The following OPRK1 variants were observed in gnomAD, a reference collection of about 807,000 sequenced individuals.
OPRK1 encodes opioid receptor kappa 1.
A neutral mutation model predicts 24.5 loss-of-function variants in OPRK1; 15 were observed. That is an observed-to-expected ratio of 0.61 (90% CI 0.41 to 0.94). The LOEUF is 0.94. OPRK1 is among the 40% of genes least tolerant of loss of function. The pLI is 0.00. For missense variants in OPRK1, 479 were observed against 507.3 expected (o/e 0.94, Z 0.54); for synonymous variants, 205 against 198.0 (o/e 1.04, Z -0.30).
chr8:53,232,636 C>T (rs1806883233), intron 3 of OPRK1, among the ~76,000 whole-genome samples: 1 of 152,098 alleles, frequency 6.6e-6, no homozygotes, highest in Non-Finnish European at 1.5e-5. Context: ...TTGAAGTATC[C>T]ATACAACTGC....
At chr8:53,231,550 C>A (rs1050042157) in intron 3 of OPRK1, among the ~76,000 whole-genome samples, 1 of 152,112 alleles carries the variant, frequency 6.6e-6, no homozygotes, top group South Asian at 2.1e-4. Flanking sequence ...GTTATATTCA[C>A]CCAATTTCCC....
Position 53,251,010 on chromosome 8 carries a change from C to T in OPRK1, c.28G>A (p.Gly10Arg). The change falls in exon 2 of 4, where the codon GGG (glycine) becomes AGG (arginine). Residue 10 changes from glycine to arginine, a missense_variant. Gly to Arg is a moderately radical substitution (Grantham distance 125). Coordinates refer to ENST00000265572, the MANE Select transcript of OPRK1 (RefSeq NM_000912.5). Reference sequence around the variant, plus strand: ...GGGGCGCAGGTAGGGCCCGGCTCCCCGCGGAAGATCTGGATCGGGGAGTCC... The same window carrying T: ...GGGGCGCAGGTAGGGCCCGGCTCCCTGCGGAAGATCTGGATCGGGGAGTCC... MDSPIQIFRGEPGPTCAPSA... is the reference protein window; with the variant it reads MDSPIQIFRREPGPTCAPSA... The T allele has an allele frequency of 6.4e-7, 1 of 1,570,228 alleles. No individual in the cohort carries two copies. The highest frequency in any genetic ancestry group is 8.6e-7 in the Non-Finnish European group (1 of 1,161,400).
At chr8:53,238,583 C>A in intron 2 of OPRK1, 3 of 985,426 alleles carry the variant, frequency 3.0e-6, no homozygotes, top group Non-Finnish European at 3.6e-6. Context: ...GGAGGGTGTT[C>A]CAGAGACTTA....
At chr8:53,246,708 G>A (rs1335564963) in intron 2 of OPRK1, among the ~76,000 whole-genome samples, 3 of 152,176 alleles carry the variant, frequency 2.0e-5, no homozygotes, top group African/African-American at 7.2e-5. Context: ...GCCAAAGTGT[G>A]TATGTAGAGA....
At chr8:53,250,318 G>A (rs1328112675) in intron 2 of OPRK1, among the ~76,000 whole-genome samples, 1 of 152,130 alleles carries the variant, frequency 6.6e-6, no homozygotes, top group South Asian at 2.1e-4. Context: ...GGAGTCCCAG[G>A]AAATTCGGAA....
Position 53,251,070 on chromosome 8 carries a change from G to A in OPRK1, c.-33C>T, listed in dbSNP as rs1170365826. On this transcript the variant is annotated 5_prime_UTR_variant, in exon 2 of 4. Transcript: ENST00000265572. ...CGATTGCAGCAGGAAGGCGAGGACAGGCGGCACCTGCGGCGCTGCGGGAGC... is the reference window on the plus strand; with the variant it reads ...CGATTGCAGCAGGAAGGCGAGGACAAGCGGCACCTGCGGCGCTGCGGGAGC... 5 of 1,464,990 alleles carry A rather than the reference G, an allele frequency of 3.4e-6. No individual in the cohort carries two copies. The highest frequency in any genetic ancestry group is 1.4e-5 in the South Asian group (1 of 69,906). The allele number at this position is 1,464,990 out of a possible 1,614,324, so 90.7% of individuals were successfully genotyped here. A position where few individuals can be genotyped will look rare whatever the true frequency, so the allele number is the denominator to read the frequency against.
intron 2 of OPRK1, among the ~76,000 whole-genome samples, chr8:53,243,676 A>C (rs1459532281): frequency 1.3e-5 from 2 of 152,346 alleles, no homozygotes; most frequent in East Asian, 3.9e-4. Context: ...CTCTTTCAAA[A>C]GGTTGTCAAA....
intron 2 of OPRK1, among the ~76,000 whole-genome samples, chr8:53,239,371 C>T (rs62505380): frequency 0.17 from 25,596 of 152,114 alleles, 2,794 homozygotes; most frequent in African/African-American, 0.32. Context: ...AGCACATATT[C>T]TGAAGAGAAA....
intron 3 of OPRK1, among the ~76,000 whole-genome samples, chr8:53,231,778 GA>G (rs1806859247): frequency 6.6e-6 from 1 of 152,114 alleles, no homozygotes; most frequent in Non-Finnish European, 1.5e-5. Context: ...ACAAACCCTC[GA>G]AAGTGTGTCC....
In OPRK1 at chr8:53,239,110, C is replaced by T. The variant is rs554680795; in HGVS notation, c.258-3999G>A. Reference sequence around the variant, plus strand: ...TGCACTGATTTCAGTTATTCTGGGTCTTCTCTTGCACTTGTCCCCTATGGT... The same window carrying T: ...TGCACTGATTTCAGTTATTCTGGGTTTTCTCTTGCACTTGTCCCCTATGGT... On this transcript the variant is annotated intron_variant, in intron 2 of 3. Transcript: ENST00000265572. Among the ~76,000 whole-genome samples the T allele has an allele frequency of 3.9e-5, 6 of 152,252 alleles. 1 individual carries two copies. The South Asian group carries it at 1.0e-3, about 26-fold the overall frequency.
chr8:53,231,116 T>C (rs1806843631), intron 3 of OPRK1, among the ~76,000 whole-genome samples: 4 of 152,190 alleles, frequency 2.6e-5, no homozygotes, highest in South Asian at 2.1e-4. Flanking sequence ...GAGTAGTAAA[T>C]GAACACTTCC....
At chr8:53,246,274 C>G (rs1187030746) in intron 2 of OPRK1, among the ~76,000 whole-genome samples, 2 of 152,116 alleles carry the variant, frequency 1.3e-5, no homozygotes, top group Non-Finnish European at 2.9e-5. Context: ...TGAAAGTGGC[C>G]TAAAACGAGC....
At position 53,250,839 on chromosome 8, in the gene OPRK1, A is replaced by C; in HGVS notation, c.199T>G (p.Ser67Ala). ...AIPVIITAVYSVVFVVGLVGN... is the reference protein window; with the variant it reads ...AIPVIITAVYAVVFVVGLVGN... ...ACCAAGCCCACGACGAACACTACGGAGTAGACCGCCGTGATGATGACCGGG... is the reference window on the plus strand; with the variant it reads ...ACCAAGCCCACGACGAACACTACGGCGTAGACCGCCGTGATGATGACCGGG... Residue 67 changes from serine (S) to alanine (A), a missense_variant, in exon 2 of 4, where the codon TCC becomes GCC. By Grantham distance (99) the Ser-to-Ala change is moderately conservative. Transcript: ENST00000265572. 6.2e-7 allele frequency: 1 copy of C among 1,613,424 alleles called. No individual in the cohort carries two copies. The highest frequency in any genetic ancestry group is 2.2e-5 in the East Asian group (1 of 44,820).
intron 2 of OPRK1, among the ~76,000 whole-genome samples, chr8:53,240,616 G>A (rs1408915856): frequency 1.3e-5 from 2 of 152,078 alleles, no homozygotes; most frequent in East Asian, 3.9e-4. Context: ...TTGCCAACAA[G>A]CATTTTCCTG....
chr8:53,229,492 G>T lies in OPRK1; in HGVS notation c.948C>A (p.Ile316=). ...TAALSSYYFC[I]ALGYTNSSLN... is the part of the protein sequence containing the mutation. ...GGCTACTGTTGGTATAGCCTAAGGC[G>T]ATGCAGAAGTAATAGCTGGAGAGAG... is the stretch of plus-strand genomic sequence containing the variant. The change falls in exon 4 of 4, where the codon ATC becomes ATA. Residue 316 remains isoleucine, a synonymous_variant. Coordinates refer to ENST00000265572, the MANE Select transcript of OPRK1 (RefSeq NM_000912.5). The T allele has an allele frequency of 6.2e-7, 1 of 1,614,194 alleles. No homozygotes were observed. The highest frequency in any genetic ancestry group is 1.1e-5 in the South Asian group (1 of 91,086).
At chr8:53,238,446 C>T in intron 2 of OPRK1, 2 of 741,368 alleles carry the variant, frequency 2.7e-6, no homozygotes, top group Non-Finnish European at 3.3e-6. Flanking sequence ...AAACTGACAA[C>T]ATAACAGACC....
chr8:53,230,908 T>G (rs1256336063), intron 3 of OPRK1, among the ~76,000 whole-genome samples: 1 of 152,204 alleles, frequency 6.6e-6, no homozygotes, highest in Non-Finnish European at 1.5e-5. Context: ...AAATAGCACA[T>G]GAATATTTTT....
intron 2 of OPRK1, among the ~76,000 whole-genome samples, chr8:53,237,186 A>G (rs1807015246): frequency 6.6e-6 from 1 of 152,220 alleles, no homozygotes; most frequent in African/African-American, 2.4e-5. Flanking sequence ...AAAAGAATGT[A>G]GTTTCTAGGT....
At chr8:53,234,691 G>A (rs1299838636) in intron 3 of OPRK1, 68 bp downstream of exon 3, 7 of 1,366,216 alleles carry the variant, frequency 5.1e-6, no homozygotes, top group East Asian at 2.3e-5. Context: ...GCCTACTCAC[G>A]CTCAAATTAA....
Sources: gnomAD v4.1 joint callset for allele counts (sites outside exome capture counted in the v4.1 genomes callset) on GRCh38, gnomAD v4.1.1 for gene constraint, MANE v1.5 for transcripts, NCBI Gene and HGNC (gene_info 2026-07-23, HGNC 2026-07-21) for gene names.